CSNK1G1: variants seen among roughly 807,000 people sequenced by gnomAD.
The protein encoded by CSNK1G1 is casein kinase I isoform gamma-1.
In CSNK1G1, 22 loss-of-function variants were observed where a neutral mutation model predicts 59.6. That is an observed-to-expected ratio of 0.37 (90% CI 0.26 to 0.53). The LOEUF (loss-of-function observed/expected upper bound fraction) is 0.53, where lower values mean the gene tolerates loss of function less well. CSNK1G1 is among the 20% of genes least tolerant of loss of function. The probability of loss-of-function intolerance (pLI) is 0.89; values close to 1 mark genes in which losing one functional copy is unlikely to be tolerated. For missense variants in CSNK1G1, 384 were observed against 519.5 expected (o/e 0.74, Z 2.54); for synonymous variants, 179 against 177.1 (o/e 1.01, Z -0.08).
chr15:64,208,829 C>G (rs570116212), intron 6 of CSNK1G1, among the ~76,000 whole-genome samples: 1 of 152,158 alleles, frequency 6.6e-6, no homozygotes, highest in Non-Finnish European at 1.5e-5. Context: ...AGCCATTGCA[C>G]CCAGTCCATG....
Position 64,300,398 on chromosome 15 carries a change from G to T in CSNK1G1, c.102C>A (p.Ser34=). The T allele has an allele frequency of 1.2e-6, 2 of 1,614,130 alleles. No individual in the cohort carries two copies. The highest frequency in any genetic ancestry group is 1.7e-6 in the Non-Finnish European group (2 of 1,180,012). The change falls in exon 2 of 12, where the codon TCC becomes TCA. Residue 34 remains serine, a synonymous_variant. Coordinates refer to ENST00000303052, the MANE Select transcript of CSNK1G1 (RefSeq NM_022048.5). ...HCSRPSGSSS[S]SGVLMVGPNF... ...TGGGTCCCACCATAAGAACCCCAGA[G>T]GACGATGAGGAGCCAGATGGTCGAG...
chr15:64,275,752 GA>G (rs1266129883), intron 2 of CSNK1G1, among the ~76,000 whole-genome samples: 1 of 151,740 alleles, frequency 6.6e-6, no homozygotes, highest in African/African-American at 2.4e-5. Context: ...ATTTTTTAAA[GA>G]AAAAATATAT....
chr15:64,225,799 A>G (rs1179327007), intron 4 of CSNK1G1, among the ~76,000 whole-genome samples: 1 of 151,910 alleles, frequency 6.6e-6, no homozygotes, highest in African/African-American at 2.4e-5. Context: ...GCTGATTTTT[A>G]TATTTTTAGT....
intron 2 of CSNK1G1, chr15:64,265,776 A>G: frequency 2.2e-6 from 1 of 456,402 alleles, no homozygotes; most frequent in African/African-American, 2.0e-5. Flanking sequence ...CAAAAATGAA[A>G]TATATCCATT....
At chr15:64,303,061 G>T (rs1895450796) in intron 1 of CSNK1G1, among the ~76,000 whole-genome samples, 1 of 151,786 alleles carries the variant, frequency 6.6e-6, no homozygotes, top group Non-Finnish European at 1.5e-5. Flanking sequence ...CACAGTATTT[G>T]TCAGGTTAAA....
intron 1 of CSNK1G1, among the ~76,000 whole-genome samples, chr15:64,307,329 TGTTA>T (rs755948691): frequency 6.6e-6 from 1 of 152,150 alleles, no homozygotes; most frequent in African/African-American, 2.4e-5. Flanking sequence ...AAATAAAGCC[TGTTA>T]ATTAAAGTAA....
At chr15:64,226,254 T>C (rs2082459627) in intron 4 of CSNK1G1, among the ~76,000 whole-genome samples, 1 of 152,118 alleles carries the variant, frequency 6.6e-6, no homozygotes, top group Non-Finnish European at 1.5e-5. Context: ...GTAAAGTCCT[T>C]TCCCTTTCCA....
intron 4 of CSNK1G1, among the ~76,000 whole-genome samples, chr15:64,247,185 A>G (rs1313356366): frequency 2.0e-5 from 3 of 152,224 alleles, no homozygotes; most frequent in Non-Finnish European, 4.4e-5. Context: ...TTAAATTGAT[A>G]ATGTATGTAT....
chr15:64,226,492 G>A (rs2082463586), intron 4 of CSNK1G1, among the ~76,000 whole-genome samples: 1 of 151,932 alleles, frequency 6.6e-6, no homozygotes, highest in African/African-American at 2.4e-5. Context: ...AGAGGTGGAG[G>A]CTGCAGTGAG....
rs2081626941 is a variant in CSNK1G1, at chr15:64,168,385, C to T, written c.*3546G>A. 1 of 152,486 alleles carries T rather than the reference C, an allele frequency of 6.6e-6. No homozygotes were observed. The highest frequency in any genetic ancestry group is 1.5e-5 in the Non-Finnish European group (1 of 68,072). The allele number at this position is 152,486 out of a possible 1,614,324, so 9.4% of individuals were successfully genotyped here. A position where few individuals can be genotyped will look rare whatever the true frequency, so the allele number is the denominator to read the frequency against. On this transcript the variant is annotated 3_prime_UTR_variant, in exon 12 of 12. Coordinates refer to ENST00000303052, the MANE Select transcript of CSNK1G1 (RefSeq NM_022048.5). ...GAAAGCACCAAGGTGCGTAGAGCAA[C>T]TTGACCAACTCTTACTGCAGAGACA...
At chr15:64,245,192 C>G (rs760674348) in intron 4 of CSNK1G1, among the ~76,000 whole-genome samples, 7 of 152,044 alleles carry the variant, frequency 4.6e-5, no homozygotes, top group Non-Finnish European at 8.8e-5. Flanking sequence ...TTGGTCTGGG[C>G]AAAATCTTTC....
chr15:64,206,980 T>C (rs2082190970), intron 7 of CSNK1G1, among the ~76,000 whole-genome samples: 1 of 152,170 alleles, frequency 6.6e-6, no homozygotes, highest in South Asian at 2.1e-4. Context: ...TTGTCAACAA[T>C]TTGTTCCAGA....
chr15:64,183,344 C>T (rs1426389219), intron 10 of CSNK1G1, among the ~76,000 whole-genome samples: 2 of 152,194 alleles, frequency 1.3e-5, no homozygotes, highest in African/African-American at 4.8e-5. Flanking sequence ...ATGAATGAGA[C>T]ATAAACAGAG....
At chr15:64,300,832 G>T in intron 1 of CSNK1G1, 109 bp from the exon 2 acceptor site, 2 of 596,266 alleles carry the variant, frequency 3.4e-6, no homozygotes, top group Non-Finnish European at 4.9e-6. Context: ...AAAATGCATA[G>T]CTTCTGAAAT....
At chr15:64,174,701 A>AC (rs1393659959) in intron 11 of CSNK1G1, among the ~76,000 whole-genome samples, 1 of 152,132 alleles carries the variant, frequency 6.6e-6, no homozygotes, top group Non-Finnish European at 1.5e-5. Context: ...CAGGCCTCTG[A>AC]CCCACTACCT....
At position 64,257,912 on chromosome 15, in the gene CSNK1G1, A is replaced by G. The variant is rs151003576; in HGVS notation, c.222+1289T>C. Among the ~76,000 whole-genome samples, 721 of 152,266 alleles carry G rather than the reference A, an allele frequency of 4.7e-3. 6 individuals are homozygous for G. The highest frequency in any genetic ancestry group is 0.016 in the African/African-American group (672 of 41,556). On this transcript the variant is annotated intron_variant, in intron 3 of 11. Coordinates refer to ENST00000303052, the MANE Select transcript of CSNK1G1 (RefSeq NM_022048.5). ...TCTTCCTGCTCCCATCTATCCAACA[A>G]GAGTTCCAAGTCAAAATACAAAAAT...
rs1187976486 is a variant in CSNK1G1 at position 64,341,251 on chromosome 15, C to T, written c.-225+14737G>A. Among the ~76,000 whole-genome samples, 2 of 80,646 alleles carry T rather than the reference C, an allele frequency of 2.5e-5. 1 individual carries two copies. The highest frequency in any genetic ancestry group is 6.9e-4 in the South Asian group (2 of 2,906). The allele number at this position is 80,646 out of a possible 152,430, so 52.9% of individuals were successfully genotyped here. ...CAATCTCTTGACCTCATGATCCACC[C>T]GCCTCGGCCTCCCAAAGTGCTGGGA... On this transcript the variant is annotated intron_variant, in intron 1 of 11. Coordinates refer to ENST00000303052, the MANE Select transcript of CSNK1G1 (RefSeq NM_022048.5).
In CSNK1G1 at chr15:64,188,339, G is replaced by T; in HGVS notation, c.1108-7885C>A. 1 of 1,474,266 alleles carries T rather than the reference G, an allele frequency of 6.8e-7. No homozygotes were observed. Among genetic ancestry groups the T allele is most frequent in the Non-Finnish European group, 9.1e-7 (1 of 1,094,988 alleles). The allele number at this position is 1,474,266 out of a possible 1,614,324, so 91.3% of individuals were successfully genotyped here. On this transcript the variant is annotated intron_variant, in intron 10 of 11. Transcript: ENST00000303052. This position sits in a 1 kb window ranked among gnomAD's most constrained non-coding sequence, Gnocchi z 4.2. The stretch of plus-strand genomic sequence containing the variant: ...AGCCAACATTCCACCAGCCAAGCTG[G>T]AAAGGCCAGGAAAAGGCAATAAAGG...
intron 2 of CSNK1G1, among the ~76,000 whole-genome samples, chr15:64,277,041 A>G (rs1893666120): frequency 6.6e-6 from 1 of 152,180 alleles, no homozygotes; most frequent in African/African-American, 2.4e-5. Context: ...GAAGAACTAG[A>G]ACCATGCAAC....
Sources: allele counts gnomAD v4.1 joint callset (sites outside exome capture counted in the v4.1 genomes callset), GRCh38; gene constraint gnomAD v4.1.1; non-coding constraint Gnocchi (gnomAD v3.1); transcripts MANE v1.5; gene names NCBI Gene and HGNC (gene_info 2026-07-23, HGNC 2026-07-21).